LMNTD1: variants seen among roughly 807,000 people sequenced by gnomAD.
LMNTD1 encodes the protein lamin tail domain-containing protein 1.
Under a neutral mutation model 50.9 loss-of-function variants are expected in LMNTD1, and 35 were observed. The ratio of observed to expected loss-of-function variants is 0.69; its 90% CI spans 0.53 to 0.91. The LOEUF is 0.91. Among genes scored for constraint, LMNTD1 ranks in the 40% least tolerant of loss-of-function variants. The probability of loss-of-function intolerance (pLI) is 0.00; values close to 1 mark genes in which losing one functional copy is unlikely to be tolerated. For missense variants in LMNTD1, 470 were observed against 475.5 expected (o/e 0.99, Z 0.11); for synonymous variants, 153 against 161.9 (o/e 0.94, Z 0.42).
intron 4 of LMNTD1, among the ~76,000 whole-genome samples, chr12:25,541,915 A>G (rs1234394881): frequency 2.6e-5 from 4 of 151,964 alleles, no homozygotes; most frequent in African/African-American, 9.7e-5. Flanking sequence ...GGCGAAGGAC[A>G]TGAACAGACA....
chr12:25,616,093 AAC>A (rs10564512), intron 1 of LMNTD1, among the ~76,000 whole-genome samples: 47,602 of 148,142 alleles, frequency 0.32, 8,471 homozygotes, highest in East Asian at 0.82. Flanking sequence ...ACACACACAT[AAC>A]ACACACACAC....
At chr12:25,486,830 C>T (rs1266831859) in intron 9 of LMNTD1, among the ~76,000 whole-genome samples, 2 of 151,138 alleles carry the variant, frequency 1.3e-5, no homozygotes, top group African/African-American at 4.9e-5. Flanking sequence ...TATATTGAAC[C>T]AGCCTTGCAT....
chr12:25,535,053 GA>G (rs1312753837), intron 4 of LMNTD1, among the ~76,000 whole-genome samples: 1 of 152,012 alleles, frequency 6.6e-6, no homozygotes, highest in East Asian at 1.9e-4. Context: ...ATAACAAGGA[GA>G]AAAATCAATA....
At chr12:25,478,019 A>T (rs1938327826) in intron 9 of LMNTD1, among the ~76,000 whole-genome samples, 1 of 152,106 alleles carries the variant, frequency 6.6e-6, no homozygotes, top group African/African-American at 2.4e-5. Flanking sequence ...CTGTCTTTTC[A>T]CATTTTTCTG....
At chr12:25,541,861 A>C (rs1156525007) in intron 4 of LMNTD1, among the ~76,000 whole-genome samples, 3 of 147,018 alleles carry the variant, frequency 2.0e-5, no homozygotes, top group African/African-American at 5.0e-5. Context: ...CAATGAACTC[A>C]AACAAATTTA....
intron 1 of LMNTD1, among the ~76,000 whole-genome samples, chr12:25,604,589 A>G (rs1011862541): frequency 7.2e-5 from 11 of 152,110 alleles, no homozygotes; most frequent in Admixed American, 7.2e-4. Context: ...ATGAGTGAGA[A>G]CATGCAGTGT....
intron 1 of LMNTD1, among the ~76,000 whole-genome samples, chr12:25,588,124 G>T (rs1005308523): frequency 2.0e-5 from 3 of 151,960 alleles, no homozygotes; most frequent in African/African-American, 7.2e-5. Context: ...GTGAAGTGTG[G>T]GTGTATAAAA....
At chr12:25,571,043 G>A (rs1267730837) in intron 1 of LMNTD1, among the ~76,000 whole-genome samples, 1 of 152,188 alleles carries the variant, frequency 6.6e-6, no homozygotes, top group Admixed American at 6.5e-5. Context: ...TCAGTGCTCA[G>A]CAGAGCCCCA....
chr12:25,572,713 A>T lies in LMNTD1; in HGVS notation c.59-26159T>A, dbSNP rs1298975737. On this transcript the variant is annotated intron_variant, in intron 1 of 7. Transcript: ENST00000445693. ...ACTTAGAACAAAGACCTGAAAATCAAAACAAAAAGCAAAAAACCCCTCAGA... is the reference window on the plus strand; with the variant it reads ...ACTTAGAACAAAGACCTGAAAATCATAACAAAAAGCAAAAAACCCCTCAGA... Among the ~76,000 whole-genome samples, 9 of 152,238 alleles carry T rather than the reference A, an allele frequency of 5.9e-5. No homozygotes were observed. In the East Asian group the frequency reaches 1.7e-3, roughly 29 times the overall value.
chr12:25,551,634 C>A (rs1002851824), intron 2 of LMNTD1, among the ~76,000 whole-genome samples: 1 of 152,166 alleles, frequency 6.6e-6, no homozygotes, highest in Non-Finnish European at 1.5e-5. Context: ...TCAAGTGATT[C>A]TTTTGCCTTG....
intron 9 of LMNTD1, among the ~76,000 whole-genome samples, chr12:25,483,345 G>A (rs1938507436): frequency 6.6e-6 from 1 of 151,718 alleles, no homozygotes; most frequent in Non-Finnish European, 1.5e-5. Flanking sequence ...GATTGCTTGA[G>A]TTCAGGGGTT....
At chr12:25,501,256 G>A (rs1225928480) in intron 9 of LMNTD1, among the ~76,000 whole-genome samples, 1 of 152,138 alleles carries the variant, frequency 6.6e-6, no homozygotes, top group Non-Finnish European at 1.5e-5. Context: ...CTCCCAAAGT[G>A]CTGGGTTTAC....
intron 1 of LMNTD1, among the ~76,000 whole-genome samples, chr12:25,639,112 C>A (rs944090851): frequency 1.3e-5 from 2 of 152,068 alleles, no homozygotes; most frequent in African/African-American, 4.8e-5. Context: ...TAAATATCTA[C>A]ATGCAAATGA....
intron 1 of LMNTD1, among the ~76,000 whole-genome samples, chr12:25,609,626 C>T (rs1407627360): frequency 6.6e-6 from 1 of 152,214 alleles, no homozygotes; most frequent in Admixed American, 6.5e-5. Context: ...ACTCCAGACC[C>T]TGTTTGCCTG....
intron 1 of LMNTD1, among the ~76,000 whole-genome samples, chr12:25,589,094 C>G (rs964642783): frequency 6.6e-6 from 1 of 152,104 alleles, no homozygotes; most frequent in Non-Finnish European, 1.5e-5. Flanking sequence ...TACCCATAAC[C>G]CAGCCATTAC....
chr12:25,534,994 AT>A (rs1942486559), intron 4 of LMNTD1, among the ~76,000 whole-genome samples: 4 of 152,234 alleles, frequency 2.6e-5, no homozygotes, highest in Admixed American at 2.6e-4. Flanking sequence ...AATTTCTGAC[AT>A]ACAATAAAAA....
chr12:25,519,586 T>TAAAAAAA lies in LMNTD1; in HGVS notation c.1016+271_1016+272insTTTTTTT, dbSNP rs781742784. On this transcript the variant is annotated intron_variant, in intron 7 of 9. Transcript: ENST00000458174. ...CTGGGTGACAGAGCGAGACTCTGTC[T>TAAAAAAA]CAAAAAAAAAAAAAAAAAAAAAGTG... is the stretch of plus-strand genomic sequence containing the variant. 8.8e-4 allele frequency among the ~76,000 whole-genome samples: 66 copies of TAAAAAAA among 74,936 alleles called. 16 individuals carry two copies. Among genetic ancestry groups the TAAAAAAA allele is most frequent in the Admixed American group, 2.5e-3 (16 of 6,490 alleles). The allele number at this position is 74,936 out of a possible 152,430, so 49.2% of individuals were successfully genotyped here. A position where few individuals can be genotyped will look rare whatever the true frequency, so the allele number is the denominator to read the frequency against.
At chr12:25,605,376 G>C (rs1946074232) in intron 1 of LMNTD1, among the ~76,000 whole-genome samples, 1 of 152,106 alleles carries the variant, frequency 6.6e-6, no homozygotes, top group African/African-American at 2.4e-5. Context: ...TTTGGCTTTT[G>C]TTGCCATTGC....
chr12:25,575,587 G>A (rs1944973661), intron 1 of LMNTD1, among the ~76,000 whole-genome samples: 1 of 152,124 alleles, frequency 6.6e-6, no homozygotes, highest in Non-Finnish European at 1.5e-5. Flanking sequence ...GCTCAATGGG[G>A]AAGATATAAA....
Sources: allele counts gnomAD v4.1 joint callset (sites outside exome capture counted in the v4.1 genomes callset), GRCh38; gene constraint gnomAD v4.1.1; transcripts MANE v1.5; gene names NCBI Gene and HGNC (gene_info 2026-07-23, HGNC 2026-07-21).